NFIA: variants seen among roughly 807,000 people sequenced by gnomAD.
NFIA encodes nuclear factor I A.
NFIA carries 8 observed loss-of-function variants against 62.8 expected under a neutral mutation model. The ratio of observed to expected loss-of-function variants is 0.13; its 90% CI spans 0.07 to 0.23. The LOEUF is 0.23. Among genes scored for constraint, NFIA ranks in the 10% least tolerant of loss-of-function variants. The pLI, the probability that NFIA is intolerant of heterozygous loss-of-function variation, is 1.00. For missense variants in NFIA, 410 were observed against 642.1 expected, an observed-to-expected ratio of 0.64 and a Z score of 3.91; for synonymous variants, 235 against 238.1, an observed-to-expected ratio of 0.99 and a Z score of 0.12.
chr1:61,257,864 T>G (rs1281974054), intron 2 of NFIA, among the ~76,000 whole-genome samples: 5 of 144,430 alleles, frequency 3.5e-5, no homozygotes, highest in African/African-American at 5.1e-5. Flanking sequence ...CTTAGCTGTT[T>G]TTTTTTTTTT....
chr1:61,388,242 G>A (rs74086955), intron 7 of NFIA, among the ~76,000 whole-genome samples: 2,111 of 152,288 alleles, frequency 0.014, 53 homozygotes, highest in African/African-American at 0.048. Context: ...ATCGTTATAC[G>A]TTAGTATAAT....
chr1:61,207,280 T>G (rs1421436106), intron 2 of NFIA, among the ~76,000 whole-genome samples: 2 of 152,228 alleles, frequency 1.3e-5, no homozygotes, highest in African/African-American at 4.8e-5. Flanking sequence ...ATTTAGACCC[T>G]CACTGGGAAA....
At chr1:61,283,240 G>A (rs1374844346) in intron 3 of NFIA, among the ~76,000 whole-genome samples, 2 of 151,908 alleles carry the variant, frequency 1.3e-5, no homozygotes, top group South Asian at 2.1e-4. Flanking sequence ...TAATGTTTAC[G>A]AAATAAGTTT....
At chr1:61,317,596 TTTG>T (rs1660434571) in intron 3 of NFIA, among the ~76,000 whole-genome samples, 1 of 152,062 alleles carries the variant, frequency 6.6e-6, no homozygotes, top group Non-Finnish European at 1.5e-5. Context: ...TTTTTAATAA[TTTG>T]TTACTAGCTT....
At chr1:61,442,006 C>T (rs1025308835) in intron 10 of NFIA, among the ~76,000 whole-genome samples, 14 of 151,920 alleles carry the variant, frequency 9.2e-5, no homozygotes, top group African/African-American at 2.4e-4. Context: ...CAAGAACTGC[C>T]GGATGAAACT....
upstream of NFIA, among the ~76,000 whole-genome samples, chr1:61,079,045 T>G (rs1646065401): frequency 6.6e-6 from 1 of 152,242 alleles, no homozygotes; most frequent in South Asian, 2.1e-4. Context: ...CCCATCGAGC[T>G]ATTTCCCAAG....
At chr1:61,203,045 G>A (rs1652616942) in intron 2 of NFIA, among the ~76,000 whole-genome samples, 1 of 152,198 alleles carries the variant, frequency 6.6e-6, no homozygotes. Context: ...GTGAAATGGG[G>A]ATTACACAAT....
rs1569941797 is a variant in NFIA, at chr1:61,459,907, G to A, written c.*4587G>A. The A allele has an allele frequency of 6.6e-6, 1 of 151,942 alleles. No homozygotes were observed. Among genetic ancestry groups the A allele is most frequent in the Admixed American group, 6.5e-5 (1 of 15,280 alleles). 9.4% of individuals were successfully genotyped at this position (151,942 alleles called of 1,614,324 possible). On this transcript the variant is annotated 3_prime_UTR_variant, in exon 11 of 11. Coordinates refer to ENST00000403491, the MANE Select transcript of NFIA (RefSeq NM_001134673.4). ...TAGAAATATCTTTGTCCATAGTGGT[G>A]GTGGAGTCTCTCTCTCTCTCTCTCT...
intron 5 of NFIA, among the ~76,000 whole-genome samples, chr1:61,358,632 C>A (rs913863415): frequency 6.6e-6 from 1 of 152,078 alleles, no homozygotes; most frequent in Admixed American, 6.5e-5. Flanking sequence ...GTGTGATCAG[C>A]CTGCCTTGGC....
chr1:61,120,671 G>A lies in NFIA; in HGVS notation c.559+31991G>A, dbSNP rs189013959. ...AATTTATTTAAAAGTGATCAAGGTA[G>A]CACATACGAGGCCTTCTACAGTTTG... On this transcript the variant is annotated intron_variant, in intron 2 of 10. Coordinates refer to ENST00000403491, the MANE Select transcript of NFIA (RefSeq NM_001134673.4). Among the ~76,000 whole-genome samples the A allele has an allele frequency of 8.1e-4, 124 of 152,282 alleles. 1 individual carries two copies. The highest frequency in any genetic ancestry group is 2.9e-3 in the African/African-American group (119 of 41,562).
intron 2 of NFIA, among the ~76,000 whole-genome samples, chr1:61,210,083 A>G (rs1480613772): frequency 6.6e-6 from 1 of 152,220 alleles, no homozygotes; most frequent in East Asian, 1.9e-4. Context: ...GTTGTAGGAT[A>G]GAAACTGATG....
chr1:61,440,509 T>C (rs1352957789), intron 10 of NFIA, among the ~76,000 whole-genome samples: 1 of 152,210 alleles, frequency 6.6e-6, no homozygotes, highest in East Asian at 1.9e-4. Context: ...AGTGATAACG[T>C]AGAACGTTCT....
chr1:61,201,510 A>C (rs1169685716), intron 2 of NFIA, among the ~76,000 whole-genome samples: 1 of 151,190 alleles, frequency 6.6e-6, no homozygotes, highest in Admixed American at 6.6e-5. Context: ...CTTTCCTTTC[A>C]ACTAAAAAAC....
intron 2 of NFIA, among the ~76,000 whole-genome samples, chr1:61,182,127 C>G (rs1212251264): frequency 6.6e-6 from 1 of 152,194 alleles, no homozygotes; most frequent in Non-Finnish European, 1.5e-5. Context: ...TGCCTGCAGT[C>G]TATTTTTAAC....
chr1:61,357,038 G>A (rs897727609), intron 5 of NFIA, among the ~76,000 whole-genome samples: 5 of 151,990 alleles, frequency 3.3e-5, no homozygotes, highest in African/African-American at 7.3e-5. Context: ...AGATTATTTC[G>A]GGGAGTCTAC....
intron 2 of NFIA, among the ~76,000 whole-genome samples, chr1:61,218,119 A>C (rs368514612): frequency 1.3e-5 from 2 of 152,304 alleles, no homozygotes; most frequent in East Asian, 1.9e-4. Context: ...TATTGTTGCT[A>C]AGTAGGTAAA....
chr1:61,299,719 A>T (rs897930944), intron 3 of NFIA, among the ~76,000 whole-genome samples: 5 of 152,148 alleles, frequency 3.3e-5, no homozygotes, highest in African/African-American at 1.2e-4. Context: ...AGCTGTTTGT[A>T]TTACAATGCT....
intron 10 of NFIA, among the ~76,000 whole-genome samples, chr1:61,437,909 T>A (rs796901964): frequency 1.1e-4 from 16 of 152,318 alleles, no homozygotes; most frequent in African/African-American, 3.8e-4. Context: ...CAGAGTCTAG[T>A]CGTGAATAAA....
chr1:61,189,831 G>A (rs1463458484), intron 2 of NFIA, among the ~76,000 whole-genome samples: 1 of 152,062 alleles, frequency 6.6e-6, no homozygotes, highest in Non-Finnish European at 1.5e-5. Flanking sequence ...TAAGCAGGAG[G>A]GCTAGGCGTG....
Sources: allele counts gnomAD v4.1 joint callset (sites outside exome capture counted in the v4.1 genomes callset), GRCh38; gene constraint gnomAD v4.1.1; transcripts MANE v1.5; gene names NCBI Gene and HGNC (gene_info 2026-07-23, HGNC 2026-07-21).